The following GRIP1 variants were observed in gnomAD, a reference collection of about 807,000 sequenced individuals.
GRIP1 encodes the protein glutamate receptor-interacting protein 1.
A neutral mutation model predicts 129.9 loss-of-function variants in GRIP1; 45 were observed. The ratio of observed to expected loss-of-function variants is 0.35; its 90% confidence interval spans 0.27 to 0.44. The LOEUF is 0.44. Among genes scored for constraint, GRIP1 ranks in the 20% least tolerant of loss-of-function variants. GRIP1 has a pLI of 1.00. For synonymous variants in GRIP1, 530 were observed against 520.8 expected (o/e 1.02, Z -0.24); for missense variants, 1,196 against 1,396.8 (o/e 0.86, Z 2.29).
intron 1 of GRIP1, among the ~76,000 whole-genome samples, chr12:67,010,821 C>T (rs187457686): frequency 2.6e-5 from 4 of 151,954 alleles, no homozygotes; most frequent in Admixed American, 2.0e-4. Context: ...CTGTCTCCCC[C>T]CCAGCGCAGG....
chr12:66,798,532 C>T (rs572512422), intron 1 of GRIP1, among the ~76,000 whole-genome samples: 7 of 152,190 alleles, frequency 4.6e-5, no homozygotes, highest in South Asian at 2.1e-4. Context: ...CACATTGGAA[C>T]GATTTAAATG....
At chr12:66,425,766 G>A (rs914017188) in intron 14 of GRIP1, among the ~76,000 whole-genome samples, 3 of 145,526 alleles carry the variant, frequency 2.1e-5, no homozygotes, top group Non-Finnish European at 4.5e-5. Context: ...GGTGGGAACC[G>A]AACAATGAGA....
At position 66,938,454 on chromosome 12, in the gene GRIP1, A is replaced by G. The variant is rs150940233; in HGVS notation, c.58+130596T>C. 5.2e-4 allele frequency among the ~76,000 whole-genome samples: 79 copies of G among 152,284 alleles called. 1 individual carries two copies. The East Asian group carries it at 0.014, about 27-fold the overall frequency. ...ATAATTAAAATTAATTTCACTGTTT[A>G]TTTTTATGTTTTAATACCACCAATA... On this transcript the variant is annotated intron_variant, in intron 1 of 1. Coordinates refer to the GRIP1 transcript ENST00000643019.
At chr12:66,475,999 G>A (rs2059595974) in intron 7 of GRIP1, among the ~76,000 whole-genome samples, 1 of 151,940 alleles carries the variant, frequency 6.6e-6, no homozygotes, top group Admixed American at 6.6e-5. Flanking sequence ...GCTAGCAGAA[G>A]GCAAGAAATA....
At chr12:66,696,930 T>A (rs1266894727) in intron 1 of GRIP1, among the ~76,000 whole-genome samples, 1 of 151,892 alleles carries the variant, frequency 6.6e-6, no homozygotes, top group East Asian at 1.9e-4. Context: ...GTTGAATAAA[T>A]GACTGAATGT....
At position 66,633,215 on chromosome 12, in the gene GRIP1, GTA is replaced by G. The variant is rs111970469; in HGVS notation, c.56-36290_56-36289del. 6.1e-4 allele frequency among the ~76,000 whole-genome samples: 87 copies of G among 143,642 alleles called. 1 individual carries two copies. Among genetic ancestry groups the G allele is most frequent in the African/African-American group, 1.5e-3 (60 of 39,220 alleles). The allele number at this position is 143,642 out of a possible 152,430, so 94.2% of individuals were successfully genotyped here. On this transcript the variant is annotated intron_variant, in intron 1 of 24. Transcript: ENST00000359742. ...TGTATGTGTATATATATATGTGTGTGTATATATATATATATGAGTATTTTATA... is the reference window on the plus strand; with the variant it reads ...TGTATGTGTATATATATATGTGTGTGTATATATATATATGAGTATTTTATA...
At position 67,051,512 on chromosome 12, in the gene GRIP1, A is replaced by G. The variant is rs2043346187; in HGVS notation, c.58+17538T>C. 3.9e-5 allele frequency among the ~76,000 whole-genome samples: 6 copies of G among 152,374 alleles called. 1 individual carries two copies. In the South Asian group the frequency reaches 1.0e-3, roughly 26 times the overall value. On this transcript the variant is annotated intron_variant, in intron 1 of 1. Transcript: ENST00000643019. ...GACTGAGTATCAAATGGAAGAAGCC[A>G]TCAGCGAAGACCTCAATAACAAAGG...
intron 7 of GRIP1, among the ~76,000 whole-genome samples, chr12:66,507,598 G>A (rs1454455249): frequency 2.6e-5 from 4 of 152,124 alleles, no homozygotes; most frequent in Non-Finnish European, 5.9e-5. Context: ...GTTTTTGACT[G>A]CAAGGGAGTT....
intron 1 of GRIP1, among the ~76,000 whole-genome samples, chr12:66,842,001 G>A (rs1171925688): frequency 6.6e-6 from 1 of 152,060 alleles, no homozygotes; most frequent in East Asian, 1.9e-4. Context: ...GATCAGCAAT[G>A]ATTTATCTAC....
At chr12:66,824,582 T>G (rs963279511) in intron 1 of GRIP1, among the ~76,000 whole-genome samples, 1 of 152,154 alleles carries the variant, frequency 6.6e-6, no homozygotes, top group East Asian at 1.9e-4. Flanking sequence ...GTTGTCCATT[T>G]CTCCTTCAAT....
At chr12:67,041,928 T>G (rs1473551026) in intron 1 of GRIP1, among the ~76,000 whole-genome samples, 1 of 152,190 alleles carries the variant, frequency 6.6e-6, no homozygotes, top group Non-Finnish European at 1.5e-5. Flanking sequence ...TTTGGGAATG[T>G]GTCTCCCAAA....
chr12:66,433,664 AATG>A (rs1359587242), intron 13 of GRIP1, among the ~76,000 whole-genome samples: 1 of 152,252 alleles, frequency 6.6e-6, no homozygotes, highest in African/African-American at 2.4e-5. Flanking sequence ...ACCTTTAATT[AATG>A]ATAAGGTTAA....
In GRIP1 at chr12:66,371,864, G is replaced by T. The variant is rs756372223; in HGVS notation, c.2842C>A (p.Leu948Met). 46 of 1,613,562 alleles carry T rather than the reference G, an allele frequency of 2.9e-5. No individual in the cohort carries two copies. Among genetic ancestry groups the T allele is most frequent in the Non-Finnish European group, 3.5e-5 (41 of 1,179,982 alleles). ...NHEAPTPRSQ[L>M]GRQASFQERS... ...TCCTGGAAGCTGGCCTGTCGCCCCAGCTGACTGCGAGGTGTTGGAGCCTCA... is the reference window on the plus strand; with the variant it reads ...TCCTGGAAGCTGGCCTGTCGCCCCATCTGACTGCGAGGTGTTGGAGCCTCA... Residue 948 changes from leucine to methionine, a missense_variant, in exon 23 of 25, where the codon CTG (leucine) becomes ATG (methionine). Coordinates refer to ENST00000359742, the MANE Select transcript of GRIP1 (RefSeq NM_001366722.1).
chr12:66,495,726 T>C (rs2060220704), intron 7 of GRIP1, among the ~76,000 whole-genome samples: 1 of 152,064 alleles, frequency 6.6e-6, no homozygotes. Flanking sequence ...TTTGGAGAGT[T>C]AAATGTAAGG....
chr12:66,633,203 A>G (rs1286523753), intron 1 of GRIP1, among the ~76,000 whole-genome samples: 1 of 147,592 alleles, frequency 6.8e-6, no homozygotes, highest in South Asian at 2.1e-4. Flanking sequence ...ATGTGTATAT[A>G]TATATGTGTG....
intron 1 of GRIP1, among the ~76,000 whole-genome samples, chr12:66,913,404 T>C (rs1393990147): frequency 1.3e-5 from 2 of 152,018 alleles, no homozygotes; most frequent in Admixed American, 1.3e-4. Context: ...GCAACAGGTA[T>C]CACAACCTCA....
chr12:66,432,609 A>G lies in GRIP1; in HGVS notation c.1707T>C (p.Ser569=), dbSNP rs765154822. ...TAGGCAGCTTTACATGAAATGTTCC[A>G]CTACTTGGGATGACAGACTCTAATA... ...FDVAESVIPS[S]GTFHVKLPKK... Residue 569 remains serine (S), a synonymous_variant, in exon 14 of 25, where the codon AGT becomes AGC. Transcript: ENST00000359742. 6.3e-7 allele frequency: 1 copy of G among 1,599,216 alleles called. No homozygotes were observed. Among genetic ancestry groups the G allele is most frequent in the Non-Finnish European group, 8.6e-7 (1 of 1,167,288 alleles).
intron 1 of GRIP1, among the ~76,000 whole-genome samples, chr12:66,675,707 G>A (rs905465955): frequency 6.6e-6 from 1 of 152,100 alleles, no homozygotes; most frequent in South Asian, 2.1e-4. Flanking sequence ...TCTAAGGTTG[G>A]GTAATTGGTA....
intron 3 of GRIP1, among the ~76,000 whole-genome samples, chr12:66,540,083 C>A (rs548501154): frequency 6.6e-6 from 1 of 152,326 alleles, no homozygotes; most frequent in Non-Finnish European, 1.5e-5. Context: ...ACATGCATGG[C>A]CCTTACCTCA....
Sources: allele counts gnomAD v4.1 joint callset (sites outside exome capture counted in the v4.1 genomes callset), GRCh38; gene constraint gnomAD v4.1.1; transcripts MANE v1.5; gene names NCBI Gene and HGNC (gene_info 2026-07-23, HGNC 2026-07-21).